The following EMID1 variants were observed in gnomAD, a reference collection of about 807,000 sequenced individuals.
EMID1 encodes the protein EMI domain-containing protein 1.
A neutral mutation model predicts 60.6 loss-of-function variants in EMID1; 40 were observed. The observed-to-expected ratio is 0.66, with a 90% CI of 0.51 to 0.86. EMID1 has a LOEUF of 0.86. Ranked by LOEUF, EMID1 falls within the 40% of genes least tolerant of loss-of-function variation. EMID1 has a pLI of 0.00. For synonymous variants in EMID1, 242 were observed against 231.0 expected (o/e 1.05, Z -0.43); for missense variants, 585 against 597.1 (o/e 0.98, Z 0.21).
chr22:29,253,536 C>T lies in EMID1; in HGVS notation c.1120-667C>T, dbSNP rs1340225312. 3.9e-5 allele frequency among the ~76,000 whole-genome samples: 6 copies of T among 152,136 alleles called. No homozygotes were observed. The South Asian group carries it at 8.3e-4, about 21-fold the overall frequency. ...GGTGGAGGTTGCGGTGAGCTGAGAT[C>T]GCGCCATTGCACTCCAACCTGGGCA... On this transcript the variant is annotated intron_variant, in intron 13 of 14. Transcript: ENST00000334018.
In EMID1 at chr22:29,233,927, A is replaced by C. The variant is rs148373073; in HGVS notation, c.967-210A>C. On this transcript the variant is annotated intron_variant, in intron 10 of 14. Coordinates refer to ENST00000334018, the MANE Select transcript of EMID1 (RefSeq NM_133455.4). ...AAAGTAGAGATTCTTGTGCCAGCACATGGCAATGAGCTGTGGTGGGACTGT... is the reference window on the plus strand; with the variant it reads ...AAAGTAGAGATTCTTGTGCCAGCACCTGGCAATGAGCTGTGGTGGGACTGT... 4 of 668,294 alleles carry C rather than the reference A, an allele frequency of 6.0e-6. No individual in the cohort carries two copies. In the African/African-American group the frequency reaches 7.2e-5, roughly 12 times the overall value. 41.4% of individuals were successfully genotyped at this position (668,294 alleles called of 1,614,324 possible).
At chr22:29,234,796 G>T in intron 12 of EMID1, among the ~76,000 whole-genome samples, 1 of 151,414 alleles carries the variant, frequency 6.6e-6, no homozygotes, top group African/African-American at 2.4e-5. Context: ...AATCGACTTT[G>T]TGTGCTTTTA....
chr22:29,254,414 C>A, intron 14 of EMID1, 127 bp downstream of exon 14: 1 of 885,638 alleles, frequency 1.1e-6, no homozygotes, highest in South Asian at 1.4e-5. Context: ...CCCAGGCAAG[C>A]ATGGACCTGA....
rs537184577 is a variant in EMID1, at chr22:29,224,101, A to T, written c.320-1032A>T. Among the ~76,000 whole-genome samples, 48 of 152,240 alleles carry T rather than the reference A, an allele frequency of 3.2e-4. 1 individual carries two copies. In the South Asian group the frequency reaches 9.1e-3, roughly 29 times the overall value. On this transcript the variant is annotated intron_variant, in intron 3 of 14. Transcript: ENST00000334018. Reference sequence around the variant, plus strand: ...GGCCCTTGAGGAGGGTATGCTGGGGATGCAGGCTCAGCACGAGTGAAGGCC... The same window carrying T: ...GGCCCTTGAGGAGGGTATGCTGGGGTTGCAGGCTCAGCACGAGTGAAGGCC...
At chr22:29,251,500 C>A (rs1006275290) in intron 13 of EMID1, among the ~76,000 whole-genome samples, 4 of 151,284 alleles carry the variant, frequency 2.6e-5, no homozygotes, top group South Asian at 2.1e-4. Flanking sequence ...CCATGCCAGC[C>A]CCCCCGGCGT....
At chr22:29,217,071 G>C (rs779727778) in intron 3 of EMID1, among the ~76,000 whole-genome samples, 6 of 152,354 alleles carry the variant, frequency 3.9e-5, no homozygotes, top group Non-Finnish European at 7.4e-5. Context: ...CAGAGGAGCT[G>C]TGGAGGGGAG....
At chr22:29,215,723 T>G in intron 3 of EMID1, 93 bp downstream of exon 3, 1 of 989,422 alleles carries the variant, frequency 1.0e-6, no homozygotes, top group Non-Finnish European at 1.6e-6. Flanking sequence ...AAGAGAGTCA[T>G]GCACAGTACC....
chr22:29,246,921 G>C (rs981932296), intron 13 of EMID1, among the ~76,000 whole-genome samples: 2 of 151,330 alleles, frequency 1.3e-5, no homozygotes, highest in African/African-American at 2.4e-5. Context: ...CCAAGGTGTT[G>C]GGATTACAAG....
chr22:29,247,442 A>G lies in EMID1; in HGVS notation c.1119+3953A>G, dbSNP rs187875608. Among the ~76,000 whole-genome samples the G allele has an allele frequency of 9.8e-5, 15 of 152,362 alleles. No individual in the cohort carries two copies. The East Asian group carries it at 2.5e-3, about 25-fold the overall frequency. On this transcript the variant is annotated intron_variant, in intron 13 of 14. Coordinates refer to ENST00000334018, the MANE Select transcript of EMID1 (RefSeq NM_133455.4). ...CATGAGCATCATACAGTGTACATAC[A>G]CAAACCTAGATGGGATAGCCTACAA...
In EMID1 at chr22:29,233,667, G is replaced by A; in HGVS notation, c.966+1G>A. 6.2e-7 allele frequency: 1 copy of A among 1,613,824 alleles called. No individual in the cohort carries two copies. The highest frequency in any genetic ancestry group is 8.5e-7 in the Non-Finnish European group (1 of 1,179,744). The stretch of plus-strand genomic sequence containing the variant: ...TGTCCCTGGGAGTCCTGGTCACATA[G>A]TGAGTAGTTCTCCTTGTACTCTCAC... On this transcript the variant is annotated splice_donor_variant, in intron 10 of 14. Coordinates refer to ENST00000334018, the MANE Select transcript of EMID1 (RefSeq NM_133455.4). LOFTEE classifies it high-confidence loss of function.
At position 29,231,682 on chromosome 22, in the gene EMID1, G is replaced by A. The variant is rs368948271; in HGVS notation, c.676G>A (p.Gly226Ser). Residue 226 changes from glycine to serine, a missense_variant and splice_region_variant, in exon 7 of 15, where the codon GGT (glycine) becomes AGT (serine). Coordinates refer to ENST00000334018, the MANE Select transcript of EMID1 (RefSeq NM_133455.4). ...CCCAATGGGGATGAGAGGCCCACCAGGTGAGTGCCCGCAATGCTGCCCCAC... is the reference window on the plus strand; with the variant it reads ...CCCAATGGGGATGAGAGGCCCACCAAGTGAGTGCCCGCAATGCTGCCCCAC... ...RGPMGMRGPP[G>S]PQGPPGSPGR... is the part of the protein sequence containing the mutation. 4.8e-6 allele frequency: 7 copies of A among 1,459,524 alleles called. No individual in the cohort carries two copies. The highest frequency in any genetic ancestry group is 5.1e-5 in the Admixed American group (2 of 39,354). The allele number at this position is 1,459,524 out of a possible 1,614,324, so 90.4% of individuals were successfully genotyped here. A position where few individuals can be genotyped will look rare whatever the true frequency, so the allele number is the denominator to read the frequency against.
intron 1 of EMID1, among the ~76,000 whole-genome samples, chr22:29,213,803 G>T (rs1265385763): frequency 6.6e-6 from 1 of 152,148 alleles, no homozygotes; most frequent in Non-Finnish European, 1.5e-5. Flanking sequence ...CCAGGCCGGG[G>T]CGTTTACAGA....
rs576020161 is a variant in EMID1, at chr22:29,216,784, G to C, written c.319+1154G>C. 77 of 549,582 alleles carry C rather than the reference G, an allele frequency of 1.4e-4. No homozygotes were observed. The African/African-American group carries it at 1.6e-3, about 11-fold the overall frequency. The allele number at this position is 549,582 out of a possible 1,614,324, so 34.0% of individuals were successfully genotyped here. On this transcript the variant is annotated intron_variant, in intron 3 of 14. Coordinates refer to ENST00000334018, the MANE Select transcript of EMID1 (RefSeq NM_133455.4). The stretch of plus-strand genomic sequence containing the variant: ...GGGGTTCAGAACTCACCACGCAGTG[G>C]GGAGGGGTCTGGCAGGTTCTGACAT...
chr22:29,206,890 T>G (rs963726421), intron 1 of EMID1, among the ~76,000 whole-genome samples: 1 of 152,220 alleles, frequency 6.6e-6, no homozygotes, highest in Admixed American at 6.5e-5. Context: ...TCATGGGCTA[T>G]TCACTGAAGA....
chr22:29,205,989 C>G lies in EMID1; in HGVS notation c.-50C>G. On this transcript the variant is annotated 5_prime_UTR_variant, in exon 1 of 15. Transcript: ENST00000334018. ...CGGGCAGGCAGGCGGGGAGGACAGG[C>G]TGGGGGCGGCGACCGCGAGGGGCCG... is the stretch of plus-strand genomic sequence containing the variant. The G allele has an allele frequency of 8.9e-7, 1 of 1,123,310 alleles. No individual in the cohort carries two copies. The highest frequency in any genetic ancestry group is 1.1e-6 in the Non-Finnish European group (1 of 908,748). The allele number at this position is 1,123,310 out of a possible 1,614,324, so 69.6% of individuals were successfully genotyped here.
chr22:29,240,822 C>T (rs183305803), intron 12 of EMID1, among the ~76,000 whole-genome samples: 22 of 152,160 alleles, frequency 1.4e-4, no homozygotes, highest in Non-Finnish European at 7.3e-5. Flanking sequence ...GCCCCCTGGA[C>T]GCACTTTCTC....
At chr22:29,229,396 C>T (rs994189508) in intron 5 of EMID1, among the ~76,000 whole-genome samples, 8 of 152,128 alleles carry the variant, frequency 5.3e-5, no homozygotes, top group Non-Finnish European at 1.0e-4. Context: ...GTAATCCCAG[C>T]ACTTTGGGAA....
chr22:29,258,179 G>A (rs1387733908), intron 14 of EMID1, among the ~76,000 whole-genome samples: 1 of 152,160 alleles, frequency 6.6e-6, no homozygotes, highest in Non-Finnish European at 1.5e-5. Flanking sequence ...TGACCTGCCT[G>A]GCCTGCTCAT....
rs748880968 is a variant in EMID1, at chr22:29,215,634, G to C, written c.319+4G>C. 1.2e-6 allele frequency: 2 copies of C among 1,613,434 alleles called. No homozygotes were observed. The highest frequency in any genetic ancestry group is 1.7e-6 in the Non-Finnish European group (2 of 1,179,478). Reference sequence around the variant, plus strand: ...TCAGGAGTGAGCTGCGAGGAAGGTAGGACTGCCCGGCCGGCTCCCGGAGCC... The same window carrying C: ...TCAGGAGTGAGCTGCGAGGAAGGTACGACTGCCCGGCCGGCTCCCGGAGCC... On this transcript the variant is annotated splice_donor_region_variant and intron_variant, in intron 3 of 14. Transcript: ENST00000334018.
Sources: allele counts gnomAD v4.1 joint callset (sites outside exome capture counted in the v4.1 genomes callset), GRCh38; gene constraint gnomAD v4.1.1; transcripts MANE v1.5; gene names NCBI Gene and HGNC (gene_info 2026-07-23, HGNC 2026-07-21).